PSMB5: variants seen among roughly 807,000 people sequenced by gnomAD.
PSMB5 encodes proteasome subunit beta type-5.
In PSMB5, 2 loss-of-function variants were observed where a neutral mutation model predicts 22.8. That is an observed-to-expected ratio of 0.09 (90% CI 0.04 to 0.28). PSMB5 has a LOEUF of 0.28. PSMB5 is among the 10% of genes least tolerant of loss of function. PSMB5 has a pLI of 1.00. For missense variants in PSMB5, 269 were observed against 343.8 expected, an observed-to-expected ratio of 0.78 and a Z score of 1.72; for synonymous variants, 133 against 135.3, an observed-to-expected ratio of 0.98 and a Z score of 0.12.
At chr14:23,032,588 A>G (rs536726268) in intron 2 of PSMB5, among the ~76,000 whole-genome samples, 1 of 152,206 alleles carries the variant, frequency 6.6e-6, no homozygotes, top group East Asian at 1.9e-4. Flanking sequence ...TGTGGGATTC[A>G]ACGAATTCTT....
chr14:23,027,637 G>C, intron 2 of PSMB5: 1 of 707,200 alleles, frequency 1.4e-6, no homozygotes. Flanking sequence ...AACAGACTGA[G>C]ATGCTGTCTT....
intron 2 of PSMB5, among the ~76,000 whole-genome samples, chr14:23,031,989 T>G (rs1267044236): frequency 6.6e-6 from 1 of 151,766 alleles, no homozygotes; most frequent in Non-Finnish European, 1.5e-5. Flanking sequence ...CATGGAAGGT[T>G]GAGGCAGGAG....
chr14:23,029,285 T>A (rs1195608976), intron 2 of PSMB5, among the ~76,000 whole-genome samples: 1 of 152,160 alleles, frequency 6.6e-6, no homozygotes, highest in Non-Finnish European at 1.5e-5. Context: ...AGGGGGGTCA[T>A]CATCTGGTTC....
chr14:23,029,348 C>G (rs552571558), intron 2 of PSMB5, among the ~76,000 whole-genome samples: 10 of 152,110 alleles, frequency 6.6e-5, no homozygotes, highest in Admixed American at 1.3e-4. Flanking sequence ...CCACTTAGTT[C>G]CAATTAAACT....
intron 1 of PSMB5, 93 bp from the exon 2 acceptor site, chr14:23,033,767 ATC>A (rs977432879): frequency 1.8e-6 from 2 of 1,132,550 alleles, no homozygotes; most frequent in Admixed American, 5.0e-5. Context: ...AACCCAGCAC[ATC>A]TCTTTCTCCG....
At position 23,034,779 on chromosome 14, in the gene PSMB5, G is replaced by C. The variant is rs2046979391; in HGVS notation, c.103C>G (p.Leu35Val). The change falls in exon 1 of 3, where the codon CTC (leucine) becomes GTC (valine). Residue 35 changes from leucine (L) to valine (V), a missense_variant. By Grantham distance (32) the Leu-to-Val change is conservative. Coordinates refer to ENST00000361611, the MANE Select transcript of PSMB5 (RefSeq NM_002797.5). ...ADLLDLGPGSLSDGLSLAAPG... is the reference protein window; with the variant it reads ...ADLLDLGPGSVSDGLSLAAPG... Reference sequence around the variant, plus strand: ...GCGGCCAGGCTCAGACCATCACTGAGACTCCCTGGACCTAGATCCAGCAGA... The same window carrying C: ...GCGGCCAGGCTCAGACCATCACTGACACTCCCTGGACCTAGATCCAGCAGA... The C allele has an allele frequency of 1.9e-6, 3 of 1,614,218 alleles. No homozygotes were observed. The highest frequency in any genetic ancestry group is 1.3e-5 in the African/African-American group (1 of 75,068).
chr14:23,027,780 A>C lies in PSMB5; in HGVS notation c.506-1405T>G. ...TGCCGATCCTCTCAGCACACCCACAAAACAAGTACATTCCAAATGACTTAG... is the reference window on the plus strand; with the variant it reads ...TGCCGATCCTCTCAGCACACCCACACAACAAGTACATTCCAAATGACTTAG... On this transcript the variant is annotated intron_variant, in intron 2 of 2. Transcript: ENST00000361611. The C allele has an allele frequency of 2.6e-6, 4 of 1,549,034 alleles. 1 individual carries two copies.
chr14:23,033,280 G>A (rs1299127935), intron 2 of PSMB5, 88 bp downstream of exon 2: 1 of 1,352,238 alleles, frequency 7.4e-7, no homozygotes, highest in East Asian at 2.3e-5. Context: ...CTTCAGCATT[G>A]ACACCAAGCC....
chr14:23,026,670 G>A (rs2046916320), intron 2 of PSMB5, among the ~76,000 whole-genome samples: 1 of 151,446 alleles, frequency 6.6e-6, no homozygotes, highest in South Asian at 2.1e-4. Flanking sequence ...GGCTGGTCTT[G>A]AACTCCTGAC....
intron 1 of PSMB5, among the ~76,000 whole-genome samples, chr14:23,033,995 A>T (rs530629299): frequency 5.9e-4 from 89 of 152,098 alleles, no homozygotes; most frequent in East Asian, 1.4e-3. Context: ...ACACAGGGAG[A>T]TCCATCTCTA....
At chr14:23,027,418 TA>T (rs1256006700) in intron 2 of PSMB5, among the ~76,000 whole-genome samples, 23 of 137,428 alleles carry the variant, frequency 1.7e-4, no homozygotes, top group African/African-American at 6.1e-4. Flanking sequence ...AATAAATAAA[TA>T]AAATAATATA....
intron 2 of PSMB5, among the ~76,000 whole-genome samples, chr14:23,028,665 C>T (rs1487173239): frequency 6.6e-6 from 1 of 152,138 alleles, no homozygotes; most frequent in Non-Finnish European, 1.5e-5. Context: ...CCACTGTTTC[C>T]ATACTGTCTA....
intron 2 of PSMB5, among the ~76,000 whole-genome samples, chr14:23,029,517 C>T (rs145973295): frequency 7.2e-4 from 109 of 152,290 alleles, no homozygotes; most frequent in Non-Finnish European, 1.1e-3. Context: ...AAACTCCTTC[C>T]GCATTTGACT....
At chr14:23,029,605 G>A (rs2046939005) in intron 2 of PSMB5, among the ~76,000 whole-genome samples, 1 of 152,180 alleles carries the variant, frequency 6.6e-6, no homozygotes, top group Admixed American at 6.5e-5. Flanking sequence ...GGAGTGCAAT[G>A]GCACAATCTC....
chr14:23,031,330 A>G (rs1356181280), intron 2 of PSMB5, among the ~76,000 whole-genome samples: 1 of 152,216 alleles, frequency 6.6e-6, no homozygotes, highest in Non-Finnish European at 1.5e-5. Context: ...TTTCAGAGAA[A>G]AGCATCTCAA....
chr14:23,027,803 T>A, intron 2 of PSMB5: 17 of 1,547,812 alleles, frequency 1.1e-5, no homozygotes, highest in Non-Finnish European at 1.5e-5. Flanking sequence ...CCAAATGACT[T>A]AGGTTTCAAG....
intron 2 of PSMB5, among the ~76,000 whole-genome samples, chr14:23,026,615 A>G (rs1008986143): frequency 3.3e-5 from 5 of 151,150 alleles, no homozygotes; most frequent in African/African-American, 1.2e-4. Context: ...ACGCCCAGCT[A>G]ATTTTTGTAT....
intron 1 of PSMB5, 155 bp downstream of exon 1, chr14:23,034,529 G>T: frequency 1.2e-6 from 1 of 853,620 alleles, no homozygotes; most frequent in African/African-American, 1.7e-5. Flanking sequence ...GGCCTCCTGG[G>T]CCAATGAGAC....
upstream of PSMB5, chr14:23,034,991 C>T (rs1447761707): frequency 6.9e-7 from 1 of 1,445,428 alleles, no homozygotes; most frequent in Non-Finnish European, 9.1e-7. Context: ...CGGAATGGAG[C>T]CATTTTGACT....
Sources: allele counts gnomAD v4.1 joint callset (sites outside exome capture counted in the v4.1 genomes callset), GRCh38; gene constraint gnomAD v4.1.1; transcripts MANE v1.5; gene names NCBI Gene and HGNC (gene_info 2026-07-23, HGNC 2026-07-21).